Variants in PPP2R2B observed in about 807,000 individuals in gnomAD.
PPP2R2B encodes the protein protein phosphatase 2 regulatory subunit Bbeta, also known as serine/threonine-protein phosphatase 2A 55 kDa regulatory subunit B beta isoform.
Under a neutral mutation model 46.0 loss-of-function variants are expected in PPP2R2B, and 5 were observed. The ratio of observed to expected loss-of-function variants is 0.11; its 90% CI spans 0.06 to 0.23. The LOEUF (loss-of-function observed/expected upper bound fraction) is 0.23. Ranked by LOEUF, PPP2R2B falls within the 10% of genes least tolerant of loss-of-function variation. The probability of loss-of-function intolerance (pLI) is 1.00; values close to 1 mark genes in which losing one functional copy is unlikely to be tolerated. For missense variants in PPP2R2B, 367 were observed against 575.0 expected, an observed-to-expected ratio of 0.64 and a Z score of 3.70; for synonymous variants, 215 against 206.7, an observed-to-expected ratio of 1.04 and a Z score of -0.34.
chr5:146,922,960 G>T (rs1034070535), intron 1 of PPP2R2B, among the ~76,000 whole-genome samples: 6 of 152,174 alleles, frequency 3.9e-5, no homozygotes, highest in Admixed American at 6.6e-5. Flanking sequence ...AATTTTGGAA[G>T]TGTAATGGAA....
intron 2 of PPP2R2B, among the ~76,000 whole-genome samples, chr5:146,731,899 A>G (rs545768947): frequency 4.6e-5 from 7 of 152,106 alleles, no homozygotes; most frequent in Non-Finnish European, 1.0e-4. Context: ...GGGTCATATT[A>G]ATTTCTCTAA....
chr5:146,963,649 A>T (rs1309193259), intron 1 of PPP2R2B, among the ~76,000 whole-genome samples: 2 of 152,088 alleles, frequency 1.3e-5, no homozygotes, highest in Non-Finnish European at 2.9e-5. Context: ...TTTCCCATAG[A>T]TAATGTTATT....
chr5:146,649,257 C>T (rs1561802475), intron 6 of PPP2R2B, among the ~76,000 whole-genome samples: 1 of 152,064 alleles, frequency 6.6e-6, no homozygotes, highest in Admixed American at 6.5e-5. Flanking sequence ...GTCAATTGTT[C>T]AGTTACCTGA....
At chr5:146,789,882 G>C (rs911727817) in intron 2 of PPP2R2B, among the ~76,000 whole-genome samples, 1 of 152,186 alleles carries the variant, frequency 6.6e-6, no homozygotes, top group Non-Finnish European at 1.5e-5. Context: ...CAAATGGCCG[G>C]ATGTAGCAGA....
At chr5:146,769,940 A>T (rs1754734985) in intron 2 of PPP2R2B, among the ~76,000 whole-genome samples, 1 of 152,212 alleles carries the variant, frequency 6.6e-6, no homozygotes, top group African/African-American at 2.4e-5. Context: ...AATTCTAAAA[A>T]AAACCCAGGG....
At chr5:146,982,647 A>G (rs1436786698) in intron 1 of PPP2R2B, among the ~76,000 whole-genome samples, 3 of 152,204 alleles carry the variant, frequency 2.0e-5, no homozygotes, top group Non-Finnish European at 4.4e-5. Context: ...GTCTCCAACT[A>G]TAATTATAGA....
chr5:146,594,739 C>T (rs1430158304), intron 8 of PPP2R2B, among the ~76,000 whole-genome samples: 2 of 152,204 alleles, frequency 1.3e-5, no homozygotes, highest in South Asian at 2.1e-4. Context: ...GCTGCACTAG[C>T]AACCTGCCTC....
At chr5:147,024,971 G>A (rs1755460524) in intron 1 of PPP2R2B, among the ~76,000 whole-genome samples, 1 of 151,450 alleles carries the variant, frequency 6.6e-6, no homozygotes, top group African/African-American at 2.4e-5. Context: ...ATAAGAGCCA[G>A]AATAAAAAAT....
intron 5 of PPP2R2B, among the ~76,000 whole-genome samples, chr5:146,670,941 T>G (rs960991279): frequency 6.6e-6 from 1 of 152,182 alleles, no homozygotes; most frequent in Admixed American, 6.5e-5. Context: ...ATAAAAATTG[T>G]TTTTAAATTC....
intron 1 of PPP2R2B, among the ~76,000 whole-genome samples, chr5:146,909,903 C>T (rs563177793): frequency 5.1e-4 from 77 of 152,326 alleles, no homozygotes; most frequent in African/African-American, 1.8e-3. Flanking sequence ...AGGACTACCC[C>T]TATGGCTAAT....
At chr5:146,710,407 G>A (rs148695407) in intron 2 of PPP2R2B, among the ~76,000 whole-genome samples, 1 of 152,272 alleles carries the variant, frequency 6.6e-6, no homozygotes, top group African/African-American at 2.4e-5. Flanking sequence ...ATCAACCCAA[G>A]GACATGTGGG....
intron 1 of PPP2R2B, chr5:147,054,500 G>C: frequency 2.5e-6 from 1 of 398,140 alleles, no homozygotes; most frequent in Non-Finnish European, 5.0e-6. Context: ...AAAAGTCCAT[G>C]AGATATCAAT....
At chr5:146,596,833 C>T (rs1771220135) in intron 8 of PPP2R2B, among the ~76,000 whole-genome samples, 2 of 152,208 alleles carry the variant, frequency 1.3e-5, no homozygotes, top group Non-Finnish European at 2.9e-5. Context: ...ACAAAGCTAT[C>T]TCCACTACAT....
intron 1 of PPP2R2B, among the ~76,000 whole-genome samples, chr5:147,031,507 TTAA>T (rs200202899): frequency 0.015 from 2,236 of 151,912 alleles, 57 homozygotes; most frequent in African/African-American, 0.051. Context: ...TTGACTGGAG[TTAA>T]TAACAGTTCT....
chr5:146,864,592 G>T (rs972404963), intron 2 of PPP2R2B, among the ~76,000 whole-genome samples: 13 of 151,980 alleles, frequency 8.6e-5, no homozygotes, highest in African/African-American at 3.1e-4. Flanking sequence ...TACAAATGAT[G>T]CCCTGGAACC....
intron 1 of PPP2R2B, among the ~76,000 whole-genome samples, chr5:146,892,818 A>C (rs1762531584): frequency 1.3e-5 from 2 of 152,190 alleles, no homozygotes; most frequent in South Asian, 4.1e-4. Flanking sequence ...AGTTAATTTA[A>C]CTTTGTTCAA....
chr5:146,978,772 G>T (rs188517901), intron 1 of PPP2R2B, among the ~76,000 whole-genome samples: 1 of 152,206 alleles, frequency 6.6e-6, no homozygotes. Flanking sequence ...GGTTACTGTA[G>T]CCTTGTAGTA....
chr5:146,603,481 T>C (rs552471423), intron 7 of PPP2R2B, among the ~76,000 whole-genome samples: 1 of 152,300 alleles, frequency 6.6e-6, no homozygotes, highest in Admixed American at 6.5e-5. Context: ...ACAAGATGGA[T>C]GTGAAATGAA....
In PPP2R2B at chr5:146,650,784, T is replaced by C. The variant is rs1775900701; in HGVS notation, c.448-60A>G. 4 of 1,469,014 alleles carry C rather than the reference T, an allele frequency of 2.7e-6. No individual in the cohort carries two copies. The East Asian group carries it at 9.2e-5, about 34-fold the overall frequency. The allele number at this position is 1,469,014 out of a possible 1,614,324, so 91.0% of individuals were successfully genotyped here. A position where few individuals can be genotyped will look rare whatever the true frequency, so the allele number is the denominator to read the frequency against. On this transcript the variant is annotated intron_variant, in intron 5 of 9. Transcript: ENST00000394411. ...AAAGATCTTCCATAGGAAAAGAGTG[T>C]GCATGCTAATATCATTTATTATCAC... is the stretch of plus-strand genomic sequence containing the variant.
Sources: allele counts gnomAD v4.1 joint callset (sites outside exome capture counted in the v4.1 genomes callset), GRCh38; gene constraint gnomAD v4.1.1; transcripts MANE v1.5; gene names NCBI Gene and HGNC (gene_info 2026-07-23, HGNC 2026-07-21).